The following NR6A1 variants were observed in gnomAD, a reference collection of about 807,000 sequenced individuals.
NR6A1 encodes nuclear receptor subfamily 6 group A member 1, also known as retinoic acid receptor-related testis-associated receptor.
In NR6A1, 7 loss-of-function variants were observed where a neutral mutation model predicts 59.1. The observed-to-expected ratio is 0.12, with a 90% confidence interval of 0.07 to 0.22. NR6A1 has a LOEUF of 0.22. Among genes scored for constraint, NR6A1 ranks in the 10% least tolerant of loss-of-function variants. NR6A1 has a pLI of 1.00. For missense variants in NR6A1, 468 were observed against 611.6 expected (o/e 0.77, Z 2.48); for synonymous variants, 243 against 236.1 (o/e 1.03, Z -0.27).
chr9:124,752,549 A>C (rs1294542394), intron 1 of NR6A1, among the ~76,000 whole-genome samples: 1 of 152,182 alleles, frequency 6.6e-6, no homozygotes, highest in Non-Finnish European at 1.5e-5. Flanking sequence ...CCTTTAATGC[A>C]CTTGAGATAA....
At position 124,523,739 on chromosome 9, in the gene NR6A1, G is replaced by A. The variant is rs996456348; in HGVS notation, c.1355-946C>T. Among the ~76,000 whole-genome samples the A allele has an allele frequency of 5.3e-5, 8 of 152,194 alleles. No homozygotes were observed. The South Asian group carries it at 1.7e-3, about 32-fold the overall frequency. On this transcript the variant is annotated intron_variant, in intron 9 of 9. Transcript: ENST00000487099. ...GTTTAGGCCCAGCTCACATTTGCTA[G>A]ACTGCTTTGTGGCCCAAGAAATAGA...
intron 1 of NR6A1, 94 bp downstream of exon 1, chr9:124,770,926 C>T: frequency 1.3e-6 from 1 of 740,754 alleles, no homozygotes; most frequent in Non-Finnish European, 1.9e-6. Flanking sequence ...TGCGGCTTCC[C>T]AGGGCGAGGG....
At chr9:124,655,135 C>T (rs535768336) in intron 2 of NR6A1, among the ~76,000 whole-genome samples, 3 of 152,248 alleles carry the variant, frequency 2.0e-5, no homozygotes, top group Admixed American at 6.5e-5. Flanking sequence ...ATTCATGAGC[C>T]ATATCAGAAG....
intron 1 of NR6A1, among the ~76,000 whole-genome samples, chr9:124,744,403 T>C (rs1443593290): frequency 6.6e-6 from 1 of 152,202 alleles, no homozygotes; most frequent in East Asian, 1.9e-4. Flanking sequence ...ATAGCTACTA[T>C]TGTCTCCATT....
intron 2 of NR6A1, among the ~76,000 whole-genome samples, chr9:124,575,140 T>C (rs930024123): frequency 6.6e-6 from 1 of 152,236 alleles, no homozygotes; most frequent in Non-Finnish European, 1.5e-5. Context: ...TACACATCTG[T>C]ACTCCCCACC....
intron 2 of NR6A1, among the ~76,000 whole-genome samples, chr9:124,602,122 G>C (rs890873050): frequency 3.3e-5 from 5 of 152,312 alleles, no homozygotes; most frequent in African/African-American, 9.6e-5. Context: ...CCTGGAAAAG[G>C]TGAGCTTTTC....
chr9:124,580,134 T>C (rs1482826760), intron 2 of NR6A1, among the ~76,000 whole-genome samples: 1 of 152,260 alleles, frequency 6.6e-6, no homozygotes, highest in African/African-American at 2.4e-5. Context: ...TGAATATTTA[T>C]AGCACTTCTA....
intron 2 of NR6A1, among the ~76,000 whole-genome samples, chr9:124,568,574 C>A (rs1376451602): frequency 6.6e-6 from 1 of 151,402 alleles, no homozygotes; most frequent in Non-Finnish European, 1.5e-5. Flanking sequence ...CAAATAAAAA[C>A]TTGCATGAAA....
At chr9:124,655,305 T>G (rs1837227456) in intron 2 of NR6A1, among the ~76,000 whole-genome samples, 1 of 152,120 alleles carries the variant, frequency 6.6e-6, no homozygotes, top group South Asian at 2.1e-4. Flanking sequence ...TGAACAAAGG[T>G]TCAAATCCCA....
At chr9:124,604,560 G>A (rs1001914500) in intron 2 of NR6A1, among the ~76,000 whole-genome samples, 2 of 152,170 alleles carry the variant, frequency 1.3e-5, no homozygotes, top group Admixed American at 1.3e-4. Context: ...TGTAATCCCC[G>A]CACTTTGGGA....
chr9:124,653,717 CAG>C (rs1564220092), intron 2 of NR6A1, among the ~76,000 whole-genome samples: 1 of 152,178 alleles, frequency 6.6e-6, no homozygotes, highest in Non-Finnish European at 1.5e-5. Flanking sequence ...CTATACTTTT[CAG>C]AGTTTTTGAG....
At chr9:124,587,418 C>T (rs1417586002) in intron 2 of NR6A1, among the ~76,000 whole-genome samples, 2 of 152,152 alleles carry the variant, frequency 1.3e-5, no homozygotes, top group South Asian at 2.1e-4. Flanking sequence ...ACTGGTGAGC[C>T]AGCCCAGAGA....
At chr9:124,553,419 T>C in intron 3 of NR6A1, among the ~76,000 whole-genome samples, 1 of 152,222 alleles carries the variant, frequency 6.6e-6, no homozygotes, top group African/African-American at 2.4e-5. Context: ...CCAACTTCCT[T>C]GGTGGACATC....
intron 2 of NR6A1, among the ~76,000 whole-genome samples, chr9:124,719,192 C>G (rs1839493503): frequency 6.6e-6 from 1 of 151,796 alleles, no homozygotes; most frequent in South Asian, 2.1e-4. Flanking sequence ...CTCGACCTCC[C>G]AGGACCAAGT....
intron 2 of NR6A1, among the ~76,000 whole-genome samples, chr9:124,555,120 T>C (rs1349456161): frequency 6.6e-6 from 1 of 152,178 alleles, no homozygotes; most frequent in African/African-American, 2.4e-5. Context: ...TAGCAGAGTA[T>C]CTATTCTGTG....
chr9:124,655,981 A>C (rs977545282), intron 2 of NR6A1, among the ~76,000 whole-genome samples: 68 of 152,292 alleles, frequency 4.5e-4, no homozygotes, highest in Non-Finnish European at 1.2e-4. Context: ...TCTCATGCTG[A>C]AATCTAACCC....
At chr9:124,674,363 G>A (rs185226494) in intron 2 of NR6A1, among the ~76,000 whole-genome samples, 3 of 152,218 alleles carry the variant, frequency 2.0e-5, no homozygotes, top group African/African-American at 4.8e-5. Context: ...AGCAATTAAC[G>A]CTATGAAGCT....
rs528713722 is a variant in NR6A1, at chr9:124,582,974, C to G, written c.143-28404G>C. Reference sequence around the variant, plus strand: ...TCACAGAAGAGTACGCCCTTCCCCCCCAAAGCACTCAATTTTTCTGTATGC... The same window carrying G: ...TCACAGAAGAGTACGCCCTTCCCCCGCAAAGCACTCAATTTTTCTGTATGC... On this transcript the variant is annotated intron_variant, in intron 2 of 9. Coordinates refer to ENST00000487099, the MANE Select transcript of NR6A1 (RefSeq NM_033334.4). 9.9e-5 allele frequency among the ~76,000 whole-genome samples: 15 copies of G among 152,218 alleles called. No homozygotes were observed. In the East Asian group the frequency reaches 1.9e-3, roughly 20 times the overall value.
chr9:124,669,180 G>A (rs1198597192), intron 2 of NR6A1, among the ~76,000 whole-genome samples: 2 of 151,960 alleles, frequency 1.3e-5, no homozygotes, highest in Non-Finnish European at 2.9e-5. Context: ...CTCACCATTG[G>A]AGAAAAAAAC....
Sources: allele counts gnomAD v4.1 joint callset (sites outside exome capture counted in the v4.1 genomes callset), GRCh38; gene constraint gnomAD v4.1.1; transcripts MANE v1.5; gene names NCBI Gene and HGNC (gene_info 2026-07-23, HGNC 2026-07-21).